Variants in SEMA3B observed in about 807,000 individuals in gnomAD.
SEMA3B encodes the protein semaphorin-3B.
In SEMA3B, 71 loss-of-function variants were observed where a neutral mutation model predicts 77.8. The observed-to-expected ratio is 0.91, with a 90% confidence interval of 0.75 to 1.11. The LOEUF is 1.11. Among genes scored for constraint, SEMA3B ranks in the 50% most tolerant of loss-of-function variants. The pLI is 0.00. For synonymous variants in SEMA3B, 470 were observed against 452.9 expected, an observed-to-expected ratio of 1.04 and a Z score of -0.48; for missense variants, 968 against 1,056.8, an observed-to-expected ratio of 0.92 and a Z score of 1.17.
In SEMA3B at chr3:50,270,526, G is replaced by T. The variant is rs782519814; in HGVS notation, c.330+31G>T. On this transcript the variant is annotated intron_variant, in intron 3 of 16. Transcript: ENST00000616701. This position sits in a 1 kb window ranked among gnomAD's most constrained non-coding sequence, Gnocchi z 4.7. ...TGCCAGCTGCCCGGGCCGGGAGTGG[G>T]GAGGGTCAGCCCCTCACCCCAGAGA... The T allele has an allele frequency of 1.2e-5, 19 of 1,612,738 alleles. No homozygotes were observed. Among genetic ancestry groups the T allele is most frequent in the Admixed American group, 1.7e-5 (1 of 59,986 alleles).
intron 6 of SEMA3B, 74 bp downstream of exon 6, chr3:50,271,554 A>G: frequency 6.5e-7 from 1 of 1,542,546 alleles, no homozygotes; most frequent in Non-Finnish European, 8.8e-7. Context: ...AGGCCCATAA[A>G]GTAAGTGAGC....
chr3:50,273,023 G>T lies in SEMA3B; in HGVS notation c.665-275G>T. ...CAGCCTAAGGTGCTGGGCGACGTGT[G>T]GGGCGAGATCGGAGGCTAGCCGGGC... On this transcript the variant is annotated intron_variant, in intron 6 of 16. Coordinates refer to ENST00000616701, the MANE Select transcript of SEMA3B (RefSeq NM_001290060.2). The surrounding 1 kb of genome is among the most constrained non-coding windows in gnomAD (Gnocchi z 6.5). The T allele has an allele frequency of 2.2e-6, 1 of 456,186 alleles. No homozygotes were observed. The highest frequency in any genetic ancestry group is 3.9e-6 in the Non-Finnish European group (1 of 253,760). The allele number at this position is 456,186 out of a possible 1,614,324, so 28.3% of individuals were successfully genotyped here.
rs77351858 is a variant in SEMA3B, at chr3:50,269,790, G to A, written c.110-337G>A. On this transcript the variant is annotated intron_variant, in intron 1 of 16. Coordinates refer to ENST00000616701, the MANE Select transcript of SEMA3B (RefSeq NM_001290060.2). The surrounding 1 kb of genome is among the most constrained non-coding windows in gnomAD (Gnocchi z 4.0). ...ACTCTCAGCCTGACTTTTGGGAGTT[G>A]GGGTTCTGGCCATCCCTGCATGCCA... Among the ~76,000 whole-genome samples the A allele has an allele frequency of 9.7e-3, 1,470 of 152,260 alleles. 21 individuals are homozygous for A. The highest frequency in any genetic ancestry group is 0.034 in the African/African-American group (1,405 of 41,548).
In SEMA3B at chr3:50,275,748, G is replaced by C; in HGVS notation, c.1749G>C (p.Val583=). ...PALLEHKVFG[V]EGSSAFLECE... ...TGCTGGAACACAAGGTGTTCGGCGT[G>C]GAGGGCAGCAGCGCCTTTCTGGAGT... Residue 583 remains valine (V), a synonymous_variant, in exon 16 of 17, where the codon GTG becomes GTC. Transcript: ENST00000616701. The surrounding 1 kb of genome is among the most constrained non-coding windows in gnomAD (Gnocchi z 7.5). 6.2e-7 allele frequency: 1 copy of C among 1,613,392 alleles called. No homozygotes were observed. The highest frequency in any genetic ancestry group is 8.5e-7 in the Non-Finnish European group (1 of 1,179,854).
rs59658833 is a variant in SEMA3B, at chr3:50,275,391, T to C, written c.1581T>C (p.Cys527=). Residue 527 remains cysteine, a synonymous_variant, in exon 14 of 17, where the codon TGT becomes TGC. Coordinates refer to ENST00000616701, the MANE Select transcript of SEMA3B (RefSeq NM_001290060.2). The surrounding 1 kb of genome is among the most constrained non-coding windows in gnomAD (Gnocchi z 7.5). The part of the protein sequence containing the change: ...AAHGRVCTEC[C]LARDPYCAWD... ...ACGGCCGCGTCTGCACCGAATGCTG[T>C]CTGGCGCGTGACCCCTACTGCGCCT... is the stretch of plus-strand genomic sequence containing the variant. The C allele has an allele frequency of 2.1e-3, 3,366 of 1,593,354 alleles. 29 individuals carry two copies. Among genetic ancestry groups the C allele is most frequent in the African/African-American group, 0.015 (1,113 of 74,524 alleles).
At chr3:50,260,680 C>G in the SEMA3B span, 2 of 152,342 alleles carry the variant, frequency 1.3e-5, no homozygotes, top group Admixed American at 1.3e-4. Context: ...ATGGTTCCTT[C>G]CTTCTGTCCT....
At chr3:50,272,855 A>AAATAATAAT (rs55666696) in intron 6 of SEMA3B, among the ~76,000 whole-genome samples, 1,667 of 145,542 alleles carry the variant, frequency 0.011, 23 homozygotes, top group African/African-American at 0.021. Context: ...ATAAATAAAC[A>AAATAATAAT]AATAATAATA....
Position 50,276,589 on chromosome 3 carries a change from C to T in SEMA3B, c.2133C>T (p.Arg711=), listed in dbSNP as rs1553706861. The change falls in exon 17 of 17, where the codon CGC becomes CGT. Residue 711 remains arginine (R), a synonymous_variant. Transcript: ENST00000616701. This position sits in a 1 kb window ranked among gnomAD's most constrained non-coding sequence, Gnocchi z 5.8. Reference sequence around the variant, plus strand: ...GCGCGAACTCCCTGCGCATGTGCCGCCCGCAGCCTGCGCTGCAGTCACTGC... The same window carrying T: ...GCGCGAACTCCCTGCGCATGTGCCGTCCGCAGCCTGCGCTGCAGTCACTGC... ...GGSANSLRMC[R]PQPALQSLPL... is the part of the protein sequence containing the mutation. The T allele has an allele frequency of 3.2e-6, 5 of 1,566,674 alleles. No homozygotes were observed. Among genetic ancestry groups the T allele is most frequent in the South Asian group, 2.3e-5 (2 of 85,854 alleles).
In SEMA3B at chr3:50,274,277, A is replaced by G; in HGVS notation, c.1138-86A>G. On this transcript the variant is annotated intron_variant, in intron 10 of 16. Coordinates refer to ENST00000616701, the MANE Select transcript of SEMA3B (RefSeq NM_001290060.2). The surrounding 1 kb of genome is among the most constrained non-coding windows in gnomAD (Gnocchi z 4.7). ...CAGGGTTCTGTCCCCATCCCCCTCC[A>G]TGTTCCCAGAGGCTGGGCATGGAGG... 8.1e-7 allele frequency: 1 copy of G among 1,239,470 alleles called. No homozygotes were observed. The allele number at this position is 1,239,470 out of a possible 1,614,324, so 76.8% of individuals were successfully genotyped here.
upstream of SEMA3B, chr3:50,268,736 T>C (rs1553704823): frequency 6.4e-6 from 1 of 155,496 alleles, no homozygotes; most frequent in African/African-American, 2.4e-5. Context: ...TCTCACTCTT[T>C]TGACTGGCTT....
Position 50,274,082 on chromosome 3 carries a change from A to T in SEMA3B, c.1137+25A>T. ...GGTTCGTAGCCCAGGGACTTCTGCTACAACCCACTTCAAAGCCTCAAGGGT... is the reference window on the plus strand; with the variant it reads ...GGTTCGTAGCCCAGGGACTTCTGCTTCAACCCACTTCAAAGCCTCAAGGGT... On this transcript the variant is annotated intron_variant, in intron 10 of 16. Coordinates refer to ENST00000616701, the MANE Select transcript of SEMA3B (RefSeq NM_001290060.2). The surrounding 1 kb of genome is among the most constrained non-coding windows in gnomAD (Gnocchi z 4.7). 1 of 1,609,042 alleles carries T rather than the reference A, an allele frequency of 6.2e-7. No homozygotes were observed. The highest frequency in any genetic ancestry group is 8.5e-7 in the Non-Finnish European group (1 of 1,178,568).
In SEMA3B at chr3:50,276,705, G is replaced by A. The variant is rs1486206555; in HGVS notation, c.2249G>A (p.Ter750=). The change falls in exon 17 of 17, where the codon TGA becomes TAA. Residue 750 remains the stop codon, a stop_retained_variant. Transcript: ENST00000616701. This position sits in a 1 kb window ranked among gnomAD's most constrained non-coding sequence, Gnocchi z 5.8. ...GGGCCGCGCAGCGCAACGCACTGGT[G>A]ACCAGACTGTCCCCACGCCGGGAAC... ...ERGPRSATHW[*] 3 of 1,511,674 alleles carry A rather than the reference G, an allele frequency of 2.0e-6. No individual in the cohort carries two copies. The highest frequency in any genetic ancestry group is 1.4e-5 in the African/African-American group (1 of 70,160). The allele number at this position is 1,511,674 out of a possible 1,614,324, so 93.6% of individuals were successfully genotyped here.
chr3:50,261,701 A>T, the SEMA3B span: 1 of 152,254 alleles, frequency 6.6e-6, no homozygotes, highest in Admixed American at 6.5e-5. Context: ...CAAGGCCTGG[A>T]AGAAGTCCCA....
chr3:50,270,079 A>C lies in SEMA3B; in HGVS notation c.110-48A>C. 6.7e-7 allele frequency: 1 copy of C among 1,485,582 alleles called. No individual in the cohort carries two copies. Among genetic ancestry groups the C allele is most frequent in the East Asian group, 2.5e-5 (1 of 40,258 alleles). 92.0% of individuals were successfully genotyped at this position (1,485,582 alleles called of 1,614,324 possible). On this transcript the variant is annotated intron_variant, in intron 1 of 16. Transcript: ENST00000616701. This position sits in a 1 kb window ranked among gnomAD's most constrained non-coding sequence, Gnocchi z 4.7. The stretch of plus-strand genomic sequence containing the variant: ...GTCACCACCAGGCAGGACCTGGGGG[A>C]GGCTTCCAGCATGGCTGGCGAGTCA...
intron 6 of SEMA3B, among the ~76,000 whole-genome samples, chr3:50,272,838 AAAAT>A (rs1184003520): frequency 7.9e-4 from 109 of 137,886 alleles, no homozygotes; most frequent in African/African-American, 2.8e-3. Context: ...ACTGTCTCAA[AAAAT>A]AAATAAATAA....
In SEMA3B at chr3:50,273,503, C is replaced by T; in HGVS notation, c.811-32C>T. ...CCCCTACCCCTTTGCCTGCCCTGGT[C>T]TCGCCCTCATCCCCTTTGATCGTCC... On this transcript the variant is annotated intron_variant, in intron 7 of 16. Transcript: ENST00000616701. The surrounding 1 kb of genome is among the most constrained non-coding windows in gnomAD (Gnocchi z 6.5). 1.2e-6 allele frequency: 2 copies of T among 1,610,284 alleles called. No individual in the cohort carries two copies. The highest frequency in any genetic ancestry group is 1.1e-5 in the South Asian group (1 of 90,870).
rs1553705304 is a variant in SEMA3B, at chr3:50,271,167, C to T, written c.530C>T (p.Ala177Val). 2 of 1,575,858 alleles carry T rather than the reference C, an allele frequency of 1.3e-6. No individual in the cohort carries two copies. The highest frequency in any genetic ancestry group is 1.7e-6 in the Non-Finnish European group (2 of 1,160,952). Residue 177 changes from alanine to valine, a missense_variant, in exon 5 of 17, where the codon GCC becomes GTC. Physicochemically the swap from Ala to Val is moderately conservative, Grantham distance 64. Transcript: ENST00000616701. ...KSPYDPRHRA[A>V]SVLVGEELYS... ...CCTTATGACCCCAGGCATCGGGCTG[C>T]CTCCGTGCTGGTGGGTGAGTCCAAG...
Position 50,275,138 on chromosome 3 carries a change from T to C in SEMA3B, c.1491+85T>C, listed in dbSNP as rs1701189106. 1 of 1,494,402 alleles carries C rather than the reference T, an allele frequency of 6.7e-7. No individual in the cohort carries two copies. The highest frequency in any genetic ancestry group is 8.9e-7 in the Non-Finnish European group (1 of 1,119,180). The allele number at this position is 1,494,402 out of a possible 1,614,324, so 92.6% of individuals were successfully genotyped here. On this transcript the variant is annotated intron_variant, in intron 13 of 16. Coordinates refer to ENST00000616701, the MANE Select transcript of SEMA3B (RefSeq NM_001290060.2). The surrounding 1 kb of genome is among the most constrained non-coding windows in gnomAD (Gnocchi z 7.5). ...AAGCCTCTGGCCCCTTTTGGTAGTTTGCAGTCCCGGGTTTGAGTACAGGCT... is the reference window on the plus strand; with the variant it reads ...AAGCCTCTGGCCCCTTTTGGTAGTTCGCAGTCCCGGGTTTGAGTACAGGCT...
Position 50,273,471 on chromosome 3 carries a change from G to A in SEMA3B, c.810+28G>A, listed in dbSNP as rs782308205. ...GAGGAGTCCCTGGGCCACACCCGGC[G>A]ACCCTGCCCCTACCCCTTTGCCTGC... is the stretch of plus-strand genomic sequence containing the variant. On this transcript the variant is annotated intron_variant, in intron 7 of 16. Coordinates refer to ENST00000616701, the MANE Select transcript of SEMA3B (RefSeq NM_001290060.2). This position sits in a 1 kb window ranked among gnomAD's most constrained non-coding sequence, Gnocchi z 6.5. The A allele has an allele frequency of 6.2e-7, 1 of 1,610,424 alleles. No homozygotes were observed. Among genetic ancestry groups the A allele is most frequent in the Non-Finnish European group, 8.5e-7 (1 of 1,177,486 alleles).
Sources: gnomAD v4.1 joint callset for allele counts (sites outside exome capture counted in the v4.1 genomes callset) on GRCh38, gnomAD v4.1.1 for gene constraint, Gnocchi (gnomAD v3.1) non-coding constraint, MANE v1.5 for transcripts, NCBI Gene and HGNC (gene_info 2026-07-23, HGNC 2026-07-21) for gene names.